RBMS3: variants seen among roughly 807,000 people sequenced by gnomAD.
RBMS3 encodes the protein RNA-binding motif, single-stranded-interacting protein 3.
In RBMS3, 27 loss-of-function variants were observed where a neutral mutation model predicts 66.8. The observed-to-expected ratio is 0.40, with a 90% confidence interval of 0.30 to 0.56. The LOEUF is 0.56. RBMS3 is among the 20% of genes least tolerant of loss of function. RBMS3 has a pLI of 0.40. For missense variants in RBMS3, 513 were observed against 549.5 expected, an observed-to-expected ratio of 0.93 and a Z score of 0.66; for synonymous variants, 188 against 183.0, an observed-to-expected ratio of 1.03 and a Z score of -0.22.
At chr3:29,631,265 CTA>C (rs2049272831) in intron 4 of RBMS3, among the ~76,000 whole-genome samples, 1 of 151,756 alleles carries the variant, frequency 6.6e-6, no homozygotes, top group Admixed American at 6.6e-5. Flanking sequence ...TTCTATTACA[CTA>C]TGATAAATAG....
In RBMS3 at chr3:29,448,665, A is replaced by G. The variant is rs77592214; in HGVS notation, c.248+13750A>G. On this transcript the variant is annotated intron_variant, in intron 2 of 14. Coordinates refer to ENST00000383767, the MANE Select transcript of RBMS3 (RefSeq NM_001003793.3). The stretch of plus-strand genomic sequence containing the variant: ...GAAGCACTTACAGGTAGAGTGGTCT[A>G]CTCTTTCTGGTTTGCTCAGGACAGT... Among the ~76,000 whole-genome samples, 1,238 of 152,030 alleles carry G rather than the reference A, an allele frequency of 8.1e-3. 20 individuals are homozygous for G. Among genetic ancestry groups the G allele is most frequent in the African/African-American group, 0.025 (1,025 of 41,492 alleles).
chr3:29,738,781 T>G (rs2054490768), intron 4 of RBMS3, among the ~76,000 whole-genome samples: 1 of 152,190 alleles, frequency 6.6e-6, no homozygotes, highest in Non-Finnish European at 1.5e-5. Flanking sequence ...CAGGTGAGGC[T>G]AAGGCTAATG....
rs371189457 is a variant in RBMS3 at position 29,779,070 on chromosome 3, T to C, written c.637+16081T>C. On this transcript the variant is annotated intron_variant, in intron 6 of 14. Coordinates refer to ENST00000383767, the MANE Select transcript of RBMS3 (RefSeq NM_001003793.3). ...TCAAAGATTCCTCCTTGAGATTCAG[T>C]TTCATACTTCAACACTCATTCTAAT... Among the ~76,000 whole-genome samples the C allele has an allele frequency of 1.4e-4, 22 of 151,996 alleles. No individual in the cohort carries two copies. The South Asian group carries it at 4.6e-3, about 31-fold the overall frequency.
At chr3:29,537,839 A>AT (rs1400935306) in intron 3 of RBMS3, among the ~76,000 whole-genome samples, 3 of 147,536 alleles carry the variant, frequency 2.0e-5, no homozygotes, top group Non-Finnish European at 3.0e-5. Flanking sequence ...AAAAAAAAAA[A>AT]GAAAGAAAGA....
chr3:29,945,184 A>C (rs1027141862), intron 12 of RBMS3, among the ~76,000 whole-genome samples: 1 of 151,708 alleles, frequency 6.6e-6, no homozygotes, highest in African/African-American at 2.4e-5. Context: ...AGACAGAAGA[A>C]GAAACAAAGG....
rs80190566 is a variant in RBMS3, at chr3:29,890,535, G to A, written c.791+6327G>A. ...TCCAATCCAGTTATTATTGTTCAAC[G>A]TTGCTTAATGCTGATTCACTTGAGG... On this transcript the variant is annotated intron_variant, in intron 8 of 14. Transcript: ENST00000383767. Among the ~76,000 whole-genome samples, 5 of 151,636 alleles carry A rather than the reference G, an allele frequency of 3.3e-5. No individual in the cohort carries two copies. In the East Asian group the frequency reaches 5.9e-4, roughly 18 times the overall value.
At chr3:29,325,200 C>A (rs373168785) in intron 1 of RBMS3, among the ~76,000 whole-genome samples, 3 of 152,074 alleles carry the variant, frequency 2.0e-5, no homozygotes, top group East Asian at 1.9e-4. Context: ...AGACATAGTG[C>A]AGAACATTTG....
chr3:29,988,280 A>G, intron 13 of RBMS3, 57 bp downstream of exon 13: 2 of 1,413,578 alleles, frequency 1.4e-6, no homozygotes. Flanking sequence ...AGTCACATAT[A>G]CTGTAGTCCC....
chr3:29,286,232 A>G (rs1297898793), intron 1 of RBMS3, among the ~76,000 whole-genome samples: 1 of 152,080 alleles, frequency 6.6e-6, no homozygotes, highest in African/African-American at 2.4e-5. Flanking sequence ...GACTGTATAG[A>G]ATTTTTAATT....
At chr3:29,958,020 T>C (rs934359646) in intron 12 of RBMS3, among the ~76,000 whole-genome samples, 2 of 152,146 alleles carry the variant, frequency 1.3e-5, no homozygotes, top group South Asian at 2.1e-4. Flanking sequence ...AGCACCATAT[T>C]CAGTCTGTTA....
chr3:29,819,158 A>G (rs940640789), intron 6 of RBMS3, among the ~76,000 whole-genome samples: 5 of 151,988 alleles, frequency 3.3e-5, no homozygotes, highest in Non-Finnish European at 7.4e-5. Flanking sequence ...GTAGCCAACT[A>G]CTCTCCTGAA....
chr3:29,321,959 T>G (rs1434359056), intron 1 of RBMS3, among the ~76,000 whole-genome samples: 1 of 152,118 alleles, frequency 6.6e-6, no homozygotes, highest in Non-Finnish European at 1.5e-5. Flanking sequence ...TTTTTCAAAA[T>G]TAGATATTAT....
chr3:29,287,874 G>T (rs2032491267), intron 1 of RBMS3, among the ~76,000 whole-genome samples: 1 of 152,010 alleles, frequency 6.6e-6, no homozygotes, highest in Middle Eastern at 3.4e-3. Flanking sequence ...AAAGAGAGTG[G>T]CAGACTGAGA....
rs35794902 is a variant in RBMS3, at chr3:29,726,815, A to C, written c.400-12905A>C. 9.9e-3 allele frequency among the ~76,000 whole-genome samples: 1,509 copies of C among 152,328 alleles called. 14 individuals are homozygous for C. Among genetic ancestry groups the C allele is most frequent in the Non-Finnish European group, 0.016 (1,109 of 68,016 alleles). ...CAAAGTAATTTATAGATTCAATGCT[A>C]TTCCTGTTAAGCTACGATTGACTTT... On this transcript the variant is annotated intron_variant, in intron 4 of 14. Coordinates refer to ENST00000383767, the MANE Select transcript of RBMS3 (RefSeq NM_001003793.3).
intron 4 of RBMS3, among the ~76,000 whole-genome samples, chr3:29,725,123 C>G (rs1036706335): frequency 2.0e-4 from 30 of 152,152 alleles, no homozygotes; most frequent in African/African-American, 6.8e-4. Flanking sequence ...ACGAGTACCT[C>G]CATTTGTTCA....
chr3:29,496,262 T>C (rs1426613693), intron 3 of RBMS3, among the ~76,000 whole-genome samples: 26 of 151,988 alleles, frequency 1.7e-4, no homozygotes, highest in Admixed American at 1.7e-3. Flanking sequence ...TATATTTCTC[T>C]TTGGAATATG....
intron 1 of RBMS3, among the ~76,000 whole-genome samples, chr3:29,384,417 C>CAATAATAATAATAATAATAAT (rs532698967): frequency 7.3e-5 from 10 of 137,486 alleles, no homozygotes; most frequent in African/African-American, 1.9e-4. Context: ...ACATATACAC[C>CAATAATAATAATAATAATAAT]AATAATAATA....
chr3:29,690,463 T>A (rs975696903), intron 4 of RBMS3, among the ~76,000 whole-genome samples: 7 of 152,206 alleles, frequency 4.6e-5, no homozygotes, highest in East Asian at 3.9e-4. Context: ...TGTATATTTT[T>A]AAATTTTTCT....
intron 6 of RBMS3, among the ~76,000 whole-genome samples, chr3:29,782,149 G>A (rs909705242): frequency 6.6e-6 from 1 of 152,000 alleles, no homozygotes; most frequent in East Asian, 1.9e-4. Context: ...GTGTCCCTAG[G>A]GCAAGTTTGT....
Sources: gnomAD v4.1 joint callset for allele counts (sites outside exome capture counted in the v4.1 genomes callset) on GRCh38, gnomAD v4.1.1 for gene constraint, MANE v1.5 for transcripts, NCBI Gene and HGNC (gene_info 2026-07-23, HGNC 2026-07-21) for gene names.